PTPRD: variants seen among roughly 807,000 people sequenced by gnomAD.
PTPRD encodes the protein protein tyrosine phosphatase receptor type D, also known as receptor-type tyrosine-protein phosphatase delta.
A neutral mutation model predicts 214.5 loss-of-function variants in PTPRD; 34 were observed. That is an observed-to-expected ratio of 0.16 (90% CI 0.12 to 0.21). The LOEUF (loss-of-function observed/expected upper bound fraction) is 0.21, where lower values mean the gene tolerates loss of function less well. Ranked by LOEUF, PTPRD falls within the 10% of genes least tolerant of loss-of-function variation. PTPRD has a pLI of 1.00. For synonymous variants in PTPRD, 1,128 were observed against 845.7 expected (o/e 1.33, Z -5.79); for missense variants, 2,545 against 2,398.7 (o/e 1.06, Z -1.27).
At chr9:9,084,795 G>A (rs899908917) in intron 10 of PTPRD, among the ~76,000 whole-genome samples, 1 of 152,078 alleles carries the variant, frequency 6.6e-6, no homozygotes, top group African/African-American at 2.4e-5. Flanking sequence ...TTCACGGACT[G>A]TTGTTTTGAT....
intron 3 of PTPRD, among the ~76,000 whole-genome samples, chr9:10,218,708 TG>T (rs2099552648): frequency 1.3e-5 from 2 of 151,900 alleles, no homozygotes; most frequent in African/African-American, 4.8e-5. Context: ...AAGAAATGTC[TG>T]GTATAAAGTT....
chr9:8,794,283 A>C (rs1198947139), intron 11 of PTPRD, among the ~76,000 whole-genome samples: 1 of 152,218 alleles, frequency 6.6e-6, no homozygotes, highest in African/African-American at 2.4e-5. Context: ...TGTTTAACTT[A>C]AGGCAGAAAG....
chr9:10,449,893 C>G (rs922394933), intron 2 of PTPRD, among the ~76,000 whole-genome samples: 1 of 151,786 alleles, frequency 6.6e-6, no homozygotes, highest in African/African-American at 2.4e-5. Flanking sequence ...TTGTTCTGTA[C>G]TAAGAAAAAT....
intron 9 of PTPRD, among the ~76,000 whole-genome samples, chr9:9,351,527 T>C (rs1395103496): frequency 5.3e-5 from 8 of 152,012 alleles, no homozygotes. Context: ...TGAACCTTCC[T>C]AGGTGGAGGG....
intron 9 of PTPRD, among the ~76,000 whole-genome samples, chr9:9,196,145 G>A (rs2099938472): frequency 6.6e-6 from 1 of 152,054 alleles, no homozygotes; most frequent in Non-Finnish European, 1.5e-5. Context: ...AGAATTATCT[G>A]CCCATAAGAA....
intron 2 of PTPRD, among the ~76,000 whole-genome samples, chr9:10,503,192 A>T (rs143489266): frequency 9.6e-6 from 1 of 104,550 alleles, no homozygotes; most frequent in Non-Finnish European, 1.8e-5. Flanking sequence ...CAGCTGCAAT[A>T]CAAAAAAAAA....
At chr9:8,648,838 A>C (rs927173627) in intron 12 of PTPRD, among the ~76,000 whole-genome samples, 1 of 152,236 alleles carries the variant, frequency 6.6e-6, no homozygotes, top group Non-Finnish European at 1.5e-5. Flanking sequence ...CCAATGCTTT[A>C]GCATCTTTTT....
At chr9:8,722,371 C>G (rs1162565258) in intron 12 of PTPRD, among the ~76,000 whole-genome samples, 1 of 152,130 alleles carries the variant, frequency 6.6e-6, no homozygotes, top group South Asian at 2.1e-4. Flanking sequence ...AATCTGGTTA[C>G]TAACACCATG....
chr9:8,990,436 T>C (rs1453804956), intron 11 of PTPRD, among the ~76,000 whole-genome samples: 1 of 152,122 alleles, frequency 6.6e-6, no homozygotes, highest in Non-Finnish European at 1.5e-5. Context: ...AGGTAGCACA[T>C]AGTAGGTTGT....
chr9:8,709,166 C>T (rs2098273037), intron 12 of PTPRD, among the ~76,000 whole-genome samples: 1 of 152,188 alleles, frequency 6.6e-6, no homozygotes, highest in East Asian at 1.9e-4. Flanking sequence ...ATAAGTTCAA[C>T]AGATCTACTG....
At chr9:9,738,721 C>T (rs761594451) in intron 6 of PTPRD, among the ~76,000 whole-genome samples, 3 of 152,012 alleles carry the variant, frequency 2.0e-5, no homozygotes, top group Non-Finnish European at 2.9e-5. Context: ...GGATTACAGG[C>T]GTGAACCACC....
chr9:8,934,148 G>C (rs1239884626), intron 11 of PTPRD, among the ~76,000 whole-genome samples: 1 of 151,142 alleles, frequency 6.6e-6, no homozygotes, highest in African/African-American at 2.4e-5. Flanking sequence ...AGAGAGAATT[G>C]GTAACAAATA....
intron 7 of PTPRD, among the ~76,000 whole-genome samples, chr9:9,706,525 C>T (rs1270167168): frequency 6.6e-6 from 1 of 151,934 alleles, no homozygotes; most frequent in Non-Finnish European, 1.5e-5. Flanking sequence ...CTGCAACCTC[C>T]ACCTCCTGGG....
At chr9:9,486,235 C>T (rs952963226) in intron 8 of PTPRD, among the ~76,000 whole-genome samples, 8 of 129,798 alleles carry the variant, frequency 6.2e-5, no homozygotes, top group African/African-American at 2.3e-4. Context: ...ATTTGTTTTC[C>T]TTTCACAGAG....
intron 8 of PTPRD, among the ~76,000 whole-genome samples, chr9:9,521,380 G>A (rs552465523): frequency 2.8e-4 from 43 of 152,142 alleles, no homozygotes; most frequent in African/African-American, 9.4e-4. Context: ...CCCACATTCA[G>A]CTACTTGCTA....
intron 5 of PTPRD, among the ~76,000 whole-genome samples, chr9:9,821,884 G>T (rs1033433702): frequency 6.7e-6 from 1 of 150,260 alleles, no homozygotes; most frequent in South Asian, 2.1e-4. Context: ...ATATGTATGT[G>T]TGCATGACTG....
intron 7 of PTPRD, among the ~76,000 whole-genome samples, chr9:9,607,901 G>C (rs1264178797): frequency 6.6e-6 from 1 of 152,130 alleles, no homozygotes; most frequent in African/African-American, 2.4e-5. Flanking sequence ...ACGCACTTGA[G>C]CTGTCCTCAG....
intron 3 of PTPRD, among the ~76,000 whole-genome samples, chr9:10,309,854 C>T (rs764569854): frequency 4.6e-5 from 7 of 151,996 alleles, no homozygotes; most frequent in Non-Finnish European, 7.4e-5. Context: ...TTGCAGGCTA[C>T]GCAGTATTTG....
intron 9 of PTPRD, among the ~76,000 whole-genome samples, chr9:9,341,768 G>T (rs969328912): frequency 6.6e-6 from 1 of 151,928 alleles, no homozygotes; most frequent in Non-Finnish European, 1.5e-5. Flanking sequence ...TATGTAGACT[G>T]AAAGAATTCT....
Sources: gnomAD v4.1 joint callset for allele counts (sites outside exome capture counted in the v4.1 genomes callset) on GRCh38, gnomAD v4.1.1 for gene constraint, MANE v1.5 for transcripts, NCBI Gene and HGNC (gene_info 2026-07-23, HGNC 2026-07-21) for gene names.